KIAA1217: variants seen among roughly 807,000 people sequenced by gnomAD.
KIAA1217 encodes sickle tail protein homolog.
In KIAA1217, 88 loss-of-function variants were observed where a neutral mutation model predicts 163.9. The observed-to-expected ratio is 0.54, with a 90% CI of 0.45 to 0.64. The LOEUF is 0.64. Among genes scored for constraint, KIAA1217 ranks in the 30% least tolerant of loss-of-function variants. KIAA1217 has a pLI of 0.00. For missense variants in KIAA1217, 2,372 were observed against 2,475.0 expected (o/e 0.96, Z 0.88); for synonymous variants, 903 against 923.1 (o/e 0.98, Z 0.39).
intron 2 of KIAA1217, among the ~76,000 whole-genome samples, chr10:24,378,353 G>A (rs1166610749): frequency 5.3e-5 from 8 of 152,130 alleles, no homozygotes; most frequent in Non-Finnish European, 1.0e-4. Context: ...CAGGCTGGGA[G>A]TGGGTAGCCC....
intron 2 of KIAA1217, among the ~76,000 whole-genome samples, chr10:24,066,502 C>G (rs1007431373): frequency 6.6e-6 from 1 of 152,128 alleles, no homozygotes. Context: ...GAGTTTCTGC[C>G]GAGAGATTAT....
At position 24,128,021 on chromosome 10, in the gene KIAA1217, C is replaced by T. The variant is rs2063526642; in HGVS notation, c.-170-91605C>T. ...CAATACCCAAAGTTATTTCTGAAGC[C>T]TCACCAAATTATTTTAGATTAAGTA... On this transcript the variant is annotated intron_variant, in intron 2 of 18. Coordinates refer to the KIAA1217 transcript ENST00000376462. Among the ~76,000 whole-genome samples, 5 of 152,184 alleles carry T rather than the reference C, an allele frequency of 3.3e-5. No individual in the cohort carries two copies. The South Asian group carries it at 1.0e-3, about 31-fold the overall frequency.
At chr10:23,771,756 G>A (rs1241044427) in intron 1 of KIAA1217, among the ~76,000 whole-genome samples, 1 of 152,152 alleles carries the variant, frequency 6.6e-6, no homozygotes, top group East Asian at 1.9e-4. Context: ...CTTGGAAGTG[G>A]CACATATCAC....
In KIAA1217 at chr10:24,070,444, A is replaced by C. The variant is rs977000685; in HGVS notation, c.-171+63070A>C. Among the ~76,000 whole-genome samples the C allele has an allele frequency of 7.2e-5, 11 of 152,254 alleles. 1 individual carries two copies. Among genetic ancestry groups the C allele is most frequent in the Admixed American group, 6.5e-5 (1 of 15,286 alleles). On this transcript the variant is annotated intron_variant, in intron 2 of 18. Transcript: ENST00000376462. ...TTTTATGTCTATACGTAGGTTTATC[A>C]TCAAACAGCAGGTAATAGATTGGTA...
intron 3 of KIAA1217, among the ~76,000 whole-genome samples, chr10:24,409,534 A>G (rs915674818): frequency 6.6e-6 from 1 of 152,238 alleles, no homozygotes; most frequent in Non-Finnish European, 1.5e-5. Context: ...TGATCGTTTC[A>G]TAAGTATATC....
chr10:24,377,583 C>A (rs1194173219), intron 2 of KIAA1217, among the ~76,000 whole-genome samples: 2 of 152,056 alleles, frequency 1.3e-5, no homozygotes, highest in Non-Finnish European at 2.9e-5. Flanking sequence ...AAGTATCTTT[C>A]CTTTCTTATG....
At chr10:24,534,014 T>C (rs568516402) in intron 16 of KIAA1217, among the ~76,000 whole-genome samples, 1 of 152,312 alleles carries the variant, frequency 6.6e-6, no homozygotes, top group African/African-American at 2.4e-5. Flanking sequence ...ATGCTTCTTA[T>C]AGGATTTTTC....
At position 24,527,213 on chromosome 10, in the gene KIAA1217, T is replaced by C. The variant is rs1253126552; in HGVS notation, c.2899-723T>C. On this transcript the variant is annotated intron_variant, in intron 13 of 20. Transcript: ENST00000376454. Reference sequence around the variant, plus strand: ...CAGAGGGCATATAGCAATTCTTTGATAGAAGTGGTACTAAGACACAGGATT... The same window carrying C: ...CAGAGGGCATATAGCAATTCTTTGACAGAAGTGGTACTAAGACACAGGATT... Among the ~76,000 whole-genome samples the C allele has an allele frequency of 3.9e-5, 6 of 152,084 alleles. No individual in the cohort carries two copies. The East Asian group carries it at 1.2e-3, about 30-fold the overall frequency.
At chr10:23,981,774 C>A (rs1223646090) in intron 1 of KIAA1217, among the ~76,000 whole-genome samples, 1 of 152,036 alleles carries the variant, frequency 6.6e-6, no homozygotes, top group African/African-American at 2.4e-5. Flanking sequence ...TGTGCTTGGG[C>A]CTCCACTTTT....
intron 1 of KIAA1217, among the ~76,000 whole-genome samples, chr10:23,733,701 T>A (rs1838621699): frequency 6.6e-6 from 1 of 152,176 alleles, no homozygotes; most frequent in African/African-American, 2.4e-5. Context: ...ACCCGCCAGA[T>A]AGAGAGGGCC....
chr10:24,374,916 C>T (rs1265796732), intron 2 of KIAA1217, among the ~76,000 whole-genome samples: 1 of 152,174 alleles, frequency 6.6e-6, no homozygotes, highest in Non-Finnish European at 1.5e-5. Context: ...TCCCCAGTGG[C>T]TGGAACTACA....
At chr10:24,348,642 A>C (rs1180856199) in intron 2 of KIAA1217, among the ~76,000 whole-genome samples, 2 of 152,254 alleles carry the variant, frequency 1.3e-5, no homozygotes, top group East Asian at 3.8e-4. Flanking sequence ...GATAAAGAAG[A>C]AATGTATACA....
intron 2 of KIAA1217, among the ~76,000 whole-genome samples, chr10:24,165,337 G>A (rs377649869): frequency 4.8e-4 from 73 of 152,280 alleles, no homozygotes; most frequent in Non-Finnish European, 7.9e-4. Flanking sequence ...GGAACTGTCC[G>A]CACCCTGGTC....
intron 2 of KIAA1217, among the ~76,000 whole-genome samples, chr10:24,278,834 C>G (rs1377801426): frequency 6.7e-6 from 1 of 149,074 alleles, no homozygotes; most frequent in Non-Finnish European, 1.5e-5. Flanking sequence ...TTTGAATCTG[C>G]TGTTGGTGTA....
intron 2 of KIAA1217, among the ~76,000 whole-genome samples, chr10:24,097,914 G>A (rs548372346): frequency 6.6e-6 from 1 of 152,184 alleles, no homozygotes. Flanking sequence ...CCAATGGGGA[G>A]GTACCTGCAT....
intron 8 of KIAA1217, among the ~76,000 whole-genome samples, chr10:24,498,950 G>A (rs2067164989): frequency 6.6e-6 from 1 of 152,236 alleles, no homozygotes; most frequent in Non-Finnish European, 1.5e-5. Context: ...GGTGGCCTCA[G>A]AATGTGTAAG....
intron 6 of KIAA1217, among the ~76,000 whole-genome samples, chr10:24,487,301 A>G (rs939609620): frequency 2.0e-5 from 3 of 152,232 alleles, no homozygotes; most frequent in Non-Finnish European, 2.9e-5. Flanking sequence ...TGTAGCCACC[A>G]TGCCCACCCA....
chr10:23,720,336 A>G (rs1255903466), intron 1 of KIAA1217, among the ~76,000 whole-genome samples: 1 of 152,180 alleles, frequency 6.6e-6, no homozygotes, highest in Admixed American at 6.5e-5. Flanking sequence ...GTCACTTGAT[A>G]AAATAAAATT....
At chr10:24,351,733 G>A (rs1049987825) in intron 2 of KIAA1217, among the ~76,000 whole-genome samples, 11 of 152,172 alleles carry the variant, frequency 7.2e-5, no homozygotes, top group Admixed American at 6.5e-4. Flanking sequence ...TCTATCTGAT[G>A]GGGCTGCTGT....
Sources: allele counts gnomAD v4.1 joint callset (sites outside exome capture counted in the v4.1 genomes callset), GRCh38; gene constraint gnomAD v4.1.1; transcripts MANE v1.5; gene names NCBI Gene and HGNC (gene_info 2026-07-23, HGNC 2026-07-21).